CLASP2: variants seen among roughly 807,000 people sequenced by gnomAD.
CLASP2 encodes CLIP-associating protein 2.
Under a neutral mutation model 194.4 loss-of-function variants are expected in CLASP2, and 47 were observed. The ratio of observed to expected loss-of-function variants is 0.24; its 90% CI spans 0.19 to 0.31. The LOEUF (loss-of-function observed/expected upper bound fraction) is 0.31, where lower values mean the gene tolerates loss of function less well. CLASP2 is among the 10% of genes least tolerant of loss of function. The probability of loss-of-function intolerance (pLI) is 1.00; values close to 1 mark genes in which losing one functional copy is unlikely to be tolerated. For missense variants in CLASP2, 1,445 were observed against 1,823.6 expected, an observed-to-expected ratio of 0.79 and a Z score of 3.78; for synonymous variants, 619 against 633.5, an observed-to-expected ratio of 0.98 and a Z score of 0.34.
intron 30 of CLASP2, among the ~76,000 whole-genome samples, chr3:33,550,718 A>C (rs773922413): frequency 9.2e-5 from 14 of 152,178 alleles, no homozygotes; most frequent in Non-Finnish European, 1.8e-4. Flanking sequence ...TTTCTATAAG[A>C]AAGCAAGCAG....
At chr3:33,562,998 T>C (rs1560045367) in intron 27 of CLASP2, among the ~76,000 whole-genome samples, 1 of 152,122 alleles carries the variant, frequency 6.6e-6, no homozygotes, top group South Asian at 2.1e-4. Context: ...CCTCTATACC[T>C]ATCCTTCTAA....
At chr3:33,566,141 G>GC (rs967315059) in intron 27 of CLASP2, among the ~76,000 whole-genome samples, 1 of 152,118 alleles carries the variant, frequency 6.6e-6, no homozygotes, top group Non-Finnish European at 1.5e-5. Context: ...ATGTTAATAT[G>GC]CCCCCATTTC....
At chr3:33,507,258 C>A (rs1443920640) in intron 37 of CLASP2, among the ~76,000 whole-genome samples, 1 of 152,030 alleles carries the variant, frequency 6.6e-6, no homozygotes, top group Non-Finnish European at 1.5e-5. Context: ...ATTCTTGAGA[C>A]TCTTTAACAG....
chr3:33,602,241 T>C (rs988931853), intron 18 of CLASP2, among the ~76,000 whole-genome samples: 6 of 152,156 alleles, frequency 3.9e-5, no homozygotes, highest in African/African-American at 1.2e-4. Flanking sequence ...CACGAACTCC[T>C]GACCTCAGGT....
chr3:33,580,952 C>G (rs1200036374), intron 23 of CLASP2, among the ~76,000 whole-genome samples: 22 of 132,334 alleles, frequency 1.7e-4, no homozygotes, highest in African/African-American at 6.4e-4. Context: ...GGAGGCAGAG[C>G]TTGCAGTGAG....
intron 34 of CLASP2, among the ~76,000 whole-genome samples, chr3:33,525,614 C>T (rs1309238320): frequency 6.6e-6 from 1 of 152,194 alleles, no homozygotes; most frequent in Non-Finnish European, 1.5e-5. Context: ...CAGGAGATCT[C>T]CCTGTGAACC....
intron 10 of CLASP2, among the ~76,000 whole-genome samples, chr3:33,625,457 T>C (rs549745048): frequency 4.6e-5 from 7 of 151,974 alleles, no homozygotes; most frequent in African/African-American, 1.7e-4. Flanking sequence ...GAGCAACTAT[T>C]TATTATGTGC....
At chr3:33,577,204 G>C in intron 23 of CLASP2, 1 of 1,595,464 alleles carries the variant, frequency 6.3e-7, no homozygotes, top group Non-Finnish European at 8.5e-7. Flanking sequence ...TCCTTCACCT[G>C]AGGCCCCATA....
At chr3:33,547,520 A>C (rs2059337703) in intron 30 of CLASP2, among the ~76,000 whole-genome samples, 2 of 152,220 alleles carry the variant, frequency 1.3e-5, no homozygotes, top group Non-Finnish European at 2.9e-5. Flanking sequence ...ATATGTTGCT[A>C]AATTTGGCTT....
chr3:33,507,377 A>C (rs1260102357), intron 37 of CLASP2, among the ~76,000 whole-genome samples: 2 of 152,250 alleles, frequency 1.3e-5, no homozygotes, highest in Non-Finnish European at 2.9e-5. Context: ...TATACCCTTA[A>C]GGTACAATTT....
intron 21 of CLASP2, among the ~76,000 whole-genome samples, chr3:33,589,232 T>A (rs2154228939): frequency 6.6e-6 from 1 of 152,208 alleles, no homozygotes; most frequent in South Asian, 2.1e-4. Context: ...ATCATTTGTA[T>A]ACAACCAGCC....
At chr3:33,692,035 T>C (rs1444491943) in intron 2 of CLASP2, among the ~76,000 whole-genome samples, 8 of 152,048 alleles carry the variant, frequency 5.3e-5, no homozygotes, top group Admixed American at 4.6e-4. Flanking sequence ...CCGAGCGTGA[T>C]GATGCGTGTC....
At chr3:33,692,007 TA>T (rs2091405700) in intron 2 of CLASP2, among the ~76,000 whole-genome samples, 1 of 151,972 alleles carries the variant, frequency 6.6e-6, no homozygotes. Context: ...CCATCTCCAC[TA>T]AAACTATAAA....
chr3:33,531,541 C>T (rs1169199823), intron 34 of CLASP2, among the ~76,000 whole-genome samples: 2 of 152,106 alleles, frequency 1.3e-5, no homozygotes, highest in Non-Finnish European at 2.9e-5. Flanking sequence ...TTTGGGAGGC[C>T]GAGGAGGGTG....
At position 33,713,791 on chromosome 3, in the gene CLASP2, G is replaced by A. The variant is rs74485846; in HGVS notation, c.195+4017C>T. Among the ~76,000 whole-genome samples the A allele has an allele frequency of 2.2e-3, 328 of 152,042 alleles. 1 individual carries two copies. Among genetic ancestry groups the A allele is most frequent in the East Asian group, 0.014 (72 of 5,166 alleles). On this transcript the variant is annotated intron_variant, in intron 1 of 38. Transcript: ENST00000682230. ...CTCAATATCCTGGGCTAATTTTTTG[G>A]TAGAGATGAGGTCTCACTATCTTGC...
At chr3:33,692,877 T>C (rs2091498988) in intron 2 of CLASP2, among the ~76,000 whole-genome samples, 1 of 152,148 alleles carries the variant, frequency 6.6e-6, no homozygotes, top group Non-Finnish European at 1.5e-5. Flanking sequence ...GAAACGTAAC[T>C]CTTAGTATTT....
At chr3:33,716,013 G>A (rs1220731053) in intron 1 of CLASP2, among the ~76,000 whole-genome samples, 3 of 151,070 alleles carry the variant, frequency 2.0e-5, no homozygotes, top group Non-Finnish European at 4.4e-5. Flanking sequence ...TTAGGAAAGA[G>A]AGCAGAATTG....
In CLASP2 at chr3:33,544,759, A is replaced by G; in HGVS notation, c.3236T>C (p.Phe1079Ser). The change falls in exon 31 of 39, where the codon TTT (phenylalanine) becomes TCT (serine). Residue 1079 changes from phenylalanine to serine, a missense_variant. Phe to Ser is a radical substitution (Grantham distance 155). Transcript: ENST00000682230. Reference protein sequence around the residue: ...TMLLGALPKTFQDGATKLLHN... With the variant: ...TMLLGALPKTSQDGATKLLHN... ...AAGAAGCTTGGTAGCACCATCCTGAAAAGTTTTTGGTAAAGCTCCTAATAA... is the reference window on the plus strand; with the variant it reads ...AAGAAGCTTGGTAGCACCATCCTGAGAAGTTTTTGGTAAAGCTCCTAATAA... 1 of 1,613,596 alleles carries G rather than the reference A, an allele frequency of 6.2e-7. No individual in the cohort carries two copies. The highest frequency in any genetic ancestry group is 8.5e-7 in the Non-Finnish European group (1 of 1,179,658).
At position 33,511,743 on chromosome 3, in the gene CLASP2, G is replaced by A. The variant is rs181768598; in HGVS notation, c.4111-979C>T. 1.3e-3 allele frequency among the ~76,000 whole-genome samples: 84 copies of A among 66,172 alleles called. 19 individuals carry two copies. Among genetic ancestry groups the A allele is most frequent in the Admixed American group, 1.8e-3 (8 of 4,496 alleles). The allele number at this position is 66,172 out of a possible 152,430, so 43.4% of individuals were successfully genotyped here. ...CAAACAACCCCATCAAAAAGTGGGC[G>A]AAGGACATGAACAGACACTTCTCAA... On this transcript the variant is annotated intron_variant, in intron 36 of 38. Coordinates refer to ENST00000682230, the MANE Select transcript of CLASP2 (RefSeq NM_001365631.1).
Sources: gnomAD v4.1 joint callset for allele counts (sites outside exome capture counted in the v4.1 genomes callset) on GRCh38, gnomAD v4.1.1 for gene constraint, MANE v1.5 for transcripts, NCBI Gene and HGNC (gene_info 2026-07-23, HGNC 2026-07-21) for gene names.